TARS3: variants seen among roughly 807,000 people sequenced by gnomAD.
TARS3 encodes threonyl-tRNA synthetase 3.
TARS3 carries 94 observed loss-of-function variants against 103.5 expected under a neutral mutation model. The observed-to-expected ratio is 0.91, with a 90% confidence interval of 0.77 to 1.08. The LOEUF (loss-of-function observed/expected upper bound fraction) is 1.08, where lower values mean the gene tolerates loss of function less well. Among genes scored for constraint, TARS3 ranks in the 50% least tolerant of loss-of-function variants. TARS3 has a pLI of 0.00. For synonymous variants in TARS3, 416 were observed against 355.4 expected (o/e 1.17, Z -1.92); for missense variants, 952 against 995.2 (o/e 0.96, Z 0.58).
rs769077065 is a variant in TARS3, at chr15:101,656,902, T to C, written c.2260+20A>G. On this transcript the variant is annotated intron_variant, in intron 18 of 18. Coordinates refer to ENST00000335968, the MANE Select transcript of TARS3 (RefSeq NM_152334.3). ...TGGGAAAAAAAAGCATTTGGAAAAA[T>C]ATATACAAACTTAAATTACCCAAAA... The C allele has an allele frequency of 2.0e-6, 3 of 1,512,570 alleles. No homozygotes were observed. Among genetic ancestry groups the C allele is most frequent in the East Asian group, 4.5e-5 (2 of 44,154 alleles). The allele number at this position is 1,512,570 out of a possible 1,614,324, so 93.7% of individuals were successfully genotyped here. A position where few individuals can be genotyped will look rare whatever the true frequency, so the allele number is the denominator to read the frequency against.
At chr15:101,655,551 T>C (rs1392083844) in intron 18 of TARS3, among the ~76,000 whole-genome samples, 1 of 140,782 alleles carries the variant, frequency 7.1e-6, no homozygotes, top group Admixed American at 6.9e-5. Context: ...GGGGAGCTCT[T>C]ACAGACTCAC....
intron 15 of TARS3, among the ~76,000 whole-genome samples, chr15:101,668,927 G>A (rs1897689249): frequency 1.3e-5 from 2 of 152,084 alleles, no homozygotes; most frequent in Non-Finnish European, 2.9e-5. Context: ...ACTGTTACTG[G>A]TTTATGTATT....
At position 101,654,319 on chromosome 15, in the gene TARS3, CGAT is replaced by C; in HGVS notation, c.*260_*262del. 4 of 353,882 alleles carry C rather than the reference CGAT, an allele frequency of 1.1e-5. No homozygotes were observed. The East Asian group carries it at 1.9e-4, about 17-fold the overall frequency. 21.9% of individuals were successfully genotyped at this position (353,882 alleles called of 1,614,324 possible). ...TTCCTAGTGTTTTGTTTCACTTTCT[CGAT>C]GAATAATATTTCCCCATTTAAGTTT... is the stretch of plus-strand genomic sequence containing the variant. On this transcript the variant is annotated 3_prime_UTR_variant, in exon 19 of 19. Transcript: ENST00000335968.
intron 10 of TARS3, 23 bp from the exon 11 acceptor site, chr15:101,686,085 A>G (rs1295663709): frequency 6.3e-7 from 1 of 1,582,938 alleles, no homozygotes; most frequent in South Asian, 1.1e-5. Flanking sequence ...TGCATTCAAC[A>G]TTAAAATCTG....
At chr15:101,718,822 G>C (rs957983614) in intron 3 of TARS3, among the ~76,000 whole-genome samples, 1 of 152,184 alleles carries the variant, frequency 6.6e-6, no homozygotes, top group African/African-American at 2.4e-5. Flanking sequence ...AAACAGACCA[G>C]AGCCTACTAT....
intron 3 of TARS3, among the ~76,000 whole-genome samples, chr15:101,719,605 T>G (rs1489243059): frequency 6.6e-6 from 1 of 152,198 alleles, no homozygotes; most frequent in Non-Finnish European, 1.5e-5. Flanking sequence ...TGTGACTAAA[T>G]GTGAGCTAAG....
At position 101,708,257 on chromosome 15, in the gene TARS3, G is replaced by GA. The variant is rs60601502; in HGVS notation, c.930+535dup. On this transcript the variant is annotated intron_variant, in intron 6 of 18. Transcript: ENST00000335968. The stretch of plus-strand genomic sequence containing the variant: ...TGGGAGGCAAAGAGAGACTCTGTCT[G>GA]AAAAAAAAAAAAAAAAAAAAAAAAA... Among the ~76,000 whole-genome samples the GA allele has an allele frequency of 2.1e-3, 101 of 48,622 alleles. 4 individuals are homozygous for GA. Among genetic ancestry groups the GA allele is most frequent in the Non-Finnish European group, 2.4e-3 (70 of 29,710 alleles). The allele number at this position is 48,622 out of a possible 152,430, so 31.9% of individuals were successfully genotyped here. A position where few individuals can be genotyped will look rare whatever the true frequency, so the allele number is the denominator to read the frequency against.
chr15:101,686,403 G>A (rs1426466499), intron 10 of TARS3, among the ~76,000 whole-genome samples: 2 of 152,014 alleles, frequency 1.3e-5, no homozygotes, highest in Non-Finnish European at 2.9e-5. Flanking sequence ...CTATTAAGAG[G>A]CAGAAAAAAT....
intron 2 of TARS3, 144 bp downstream of exon 2, chr15:101,722,949 G>C (rs1900562631): frequency 1.4e-6 from 1 of 717,030 alleles, no homozygotes; most frequent in Non-Finnish European, 2.3e-6. Flanking sequence ...TCATATTTAA[G>C]GCTTGAAAAG....
intron 18 of TARS3, among the ~76,000 whole-genome samples, 154 bp downstream of exon 18, chr15:101,656,768 C>T (rs1215429703): frequency 6.6e-6 from 1 of 152,134 alleles, no homozygotes; most frequent in Admixed American, 6.5e-5. Context: ...CTAGGAACAG[C>T]TAAGCTAGGA....
rs139989277 is a variant in TARS3, at chr15:101,672,680, G to T, written c.1789-932C>A. Among the ~76,000 whole-genome samples the T allele has an allele frequency of 2.8e-3, 432 of 152,294 alleles. 2 individuals carry two copies. Among genetic ancestry groups the T allele is most frequent in the African/African-American group, 9.8e-3 (408 of 41,556 alleles). On this transcript the variant is annotated intron_variant, in intron 13 of 18. Transcript: ENST00000335968. The stretch of plus-strand genomic sequence containing the variant: ...AGGATCTGATCTTGAGAGAGACGGA[G>T]ATTTTTTTCCTGGGATCCTGGGAGT...
At chr15:101,684,366 G>A in intron 11 of TARS3, 129 bp from the exon 12 acceptor site, 1 of 905,194 alleles carries the variant, frequency 1.1e-6, no homozygotes, top group Non-Finnish European at 1.5e-6. Context: ...AGATCACCAG[G>A]TTAAAAAAAA....
At chr15:101,689,484 GAT>G (rs1245479634) in intron 10 of TARS3, among the ~76,000 whole-genome samples, 1 of 152,038 alleles carries the variant, frequency 6.6e-6, no homozygotes, top group African/African-American at 2.4e-5. Context: ...CATTAGGGTA[GAT>G]CCTAATACTA....
At chr15:101,664,884 T>G (rs1227003207) in intron 15 of TARS3, among the ~76,000 whole-genome samples, 1 of 152,170 alleles carries the variant, frequency 6.6e-6, no homozygotes, top group Admixed American at 6.6e-5. Flanking sequence ...CTGGAGTGAC[T>G]GGAAAGACCA....
intron 18 of TARS3, among the ~76,000 whole-genome samples, chr15:101,656,547 T>C (rs1251695225): frequency 6.6e-6 from 1 of 152,252 alleles, no homozygotes; most frequent in African/African-American, 2.4e-5. Context: ...TCTGTTAGTT[T>C]AATCCCAAAG....
chr15:101,694,342 C>T (rs1190718908), intron 10 of TARS3, among the ~76,000 whole-genome samples: 1 of 152,218 alleles, frequency 6.6e-6, no homozygotes, highest in East Asian at 1.9e-4. Context: ...GAAAAGGATG[C>T]TTCCTGGTAG....
At chr15:101,668,472 A>G (rs958023179) in intron 15 of TARS3, among the ~76,000 whole-genome samples, 12 of 152,154 alleles carry the variant, frequency 7.9e-5, no homozygotes, top group African/African-American at 2.7e-4. Flanking sequence ...AATATCAAAT[A>G]TCACTAATCA....
At chr15:101,667,103 C>T (rs1436176824) in intron 15 of TARS3, among the ~76,000 whole-genome samples, 1 of 152,030 alleles carries the variant, frequency 6.6e-6, no homozygotes, top group African/African-American at 2.4e-5. Context: ...TGTCAATGAG[C>T]AGTAATCTTT....
chr15:101,702,266 C>T lies in TARS3; in HGVS notation c.1194G>A (p.Lys398=). Residue 398 remains lysine (K), a synonymous_variant, in exon 9 of 19, where the codon AAG becomes AAA. Transcript: ENST00000335968. Reference sequence around the variant, plus strand: ...TCCCGATCTTCCTGTGATCTCGGTTCTTTGCTTCCTCTTGGAACTTTTCCC... The same window carrying T: ...TCCCGATCTTCCTGTGATCTCGGTTTTTTGCTTCCTCTTGGAACTTTTCCC... ...RDWEKFQEEA[K]NRDHRKIGKE... 6.2e-7 allele frequency: 1 copy of T among 1,614,092 alleles called. No individual in the cohort carries two copies. The highest frequency in any genetic ancestry group is 1.3e-5 in the African/African-American group (1 of 75,038).
Sources: allele counts gnomAD v4.1 joint callset (sites outside exome capture counted in the v4.1 genomes callset), GRCh38; gene constraint gnomAD v4.1.1; transcripts MANE v1.5; gene names NCBI Gene and HGNC (gene_info 2026-07-23, HGNC 2026-07-21).